The following CHD4 variants were observed in gnomAD, a reference collection of about 807,000 sequenced individuals.
CHD4 encodes the protein ATP-dependent chromatin remodeler CHD4.
Under a neutral mutation model 235.5 loss-of-function variants are expected in CHD4, and 35 were observed. The observed-to-expected ratio is 0.15, with a 90% confidence interval of 0.11 to 0.20. The LOEUF (loss-of-function observed/expected upper bound fraction) is 0.20, where lower values mean the gene tolerates loss of function less well. Among genes scored for constraint, CHD4 ranks in the 10% least tolerant of loss-of-function variants. The pLI, the probability that CHD4 is intolerant of heterozygous loss-of-function variation, is 1.00. For missense variants in CHD4, 1,329 were observed against 2,432.3 expected (o/e 0.55, Z 9.54); for synonymous variants, 900 against 850.2 (o/e 1.06, Z -1.02).
intron 12 of CHD4, among the ~76,000 whole-genome samples, chr12:6,597,660 G>A (rs1948522936): frequency 6.6e-6 from 1 of 152,110 alleles, no homozygotes; most frequent in South Asian, 2.1e-4. Flanking sequence ...CAGCTTCTCA[G>A]GAGGCTGAGG....
chr12:6,580,716 A>AAAAAACAAAAAC (rs1457844598), intron 33 of CHD4: 58 of 226,982 alleles, frequency 2.6e-4, no homozygotes, highest in Non-Finnish European at 2.2e-4. Context: ...AAAAAAAAAA[A>AAAAAACAAAAAC]AAAAAAAAAA....
intron 12 of CHD4, among the ~76,000 whole-genome samples, chr12:6,596,840 A>G (rs1465431528): frequency 1.3e-5 from 2 of 151,660 alleles, no homozygotes; most frequent in African/African-American, 4.8e-5. Flanking sequence ...CACGCCTGTA[A>G]TCCCAGCTAC....
chr12:6,600,754 G>A lies in CHD4; in HGVS notation c.928-85C>T, dbSNP rs1429848165. The A allele has an allele frequency of 1.4e-5, 21 of 1,552,124 alleles. No homozygotes were observed. In the South Asian group the frequency reaches 1.9e-4, roughly 14 times the overall value. On this transcript the variant is annotated intron_variant, in intron 7 of 39. Coordinates refer to ENST00000544040, the MANE Select transcript of CHD4 (RefSeq NM_001273.5). ...AGAGAGGGGAGTACTCTCTCACTGG[G>A]GACACCAGAATCCCAGCAAGCACCG...
At chr12:6,592,860 A>G in intron 17 of CHD4, 43 bp from the exon 18 acceptor site, 7 of 1,590,306 alleles carry the variant, frequency 4.4e-6, no homozygotes, top group Non-Finnish European at 6.0e-6. Context: ...ATGAAAACAG[A>G]GCTCTAGCAA....
At position 6,582,954 on chromosome 12, in the gene CHD4, T is replaced by G. The variant is rs1948221593; in HGVS notation, c.4148-18A>C. The G allele has an allele frequency of 6.2e-7, 1 of 1,612,578 alleles. No homozygotes were observed. The highest frequency in any genetic ancestry group is 1.3e-5 in the African/African-American group (1 of 74,804). ...ACGGGGAGCTGCAAGAAGAAAAAGA[T>G]GAATGAGTGACACAGGTAGGATATT... On this transcript the variant is annotated intron_variant, in intron 27 of 39. Coordinates refer to ENST00000544040, the MANE Select transcript of CHD4 (RefSeq NM_001273.5).
chr12:6,578,726 A>G, intron 34 of CHD4, 120 bp downstream of exon 34: 1 of 1,351,756 alleles, frequency 7.4e-7, no homozygotes, highest in East Asian at 2.3e-5. Flanking sequence ...GGACAGGTAC[A>G]GTCTTTTATC....
At chr12:6,572,338 A>G (rs1457231226) in intron 38 of CHD4, among the ~76,000 whole-genome samples, 1 of 151,188 alleles carries the variant, frequency 6.6e-6, no homozygotes, top group Admixed American at 6.6e-5. Context: ...AGGCAGGAGA[A>G]TTGCTTGAAC....
chr12:6,597,260 G>A (rs569486289), intron 12 of CHD4, among the ~76,000 whole-genome samples: 1 of 150,998 alleles, frequency 6.6e-6, no homozygotes, highest in South Asian at 2.1e-4. Flanking sequence ...TGGGTGACAA[G>A]TCTGTCTCAA....
chr12:6,605,681 A>C (rs1422125316), intron 2 of CHD4, among the ~76,000 whole-genome samples: 1 of 151,670 alleles, frequency 6.6e-6, no homozygotes, highest in Non-Finnish European at 1.5e-5. Flanking sequence ...AGCCCCCATC[A>C]CTTCCCCACT....
chr12:6,583,605 T>C, intron 25 of CHD4: 2 of 477,870 alleles, frequency 4.2e-6, no homozygotes, highest in Middle Eastern at 5.3e-4. Flanking sequence ...AAACATGGGA[T>C]AGAGCTATTA....
In CHD4 at chr12:6,579,020, T is replaced by C. The variant is rs542937034; in HGVS notation, c.4910-103A>G. The C allele has an allele frequency of 2.9e-5, 32 of 1,098,574 alleles. No homozygotes were observed. The African/African-American group carries it at 3.4e-4, about 12-fold the overall frequency. 68.1% of individuals were successfully genotyped at this position (1,098,574 alleles called of 1,614,324 possible). A position where few individuals can be genotyped will look rare whatever the true frequency, so the allele number is the denominator to read the frequency against. ...TAGACCCACATCTAAATGTCTGCAATTACAGTAATGTCAGCTGGGCATGGT... is the reference window on the plus strand; with the variant it reads ...TAGACCCACATCTAAATGTCTGCAACTACAGTAATGTCAGCTGGGCATGGT... On this transcript the variant is annotated intron_variant, in intron 33 of 39. Coordinates refer to ENST00000544040, the MANE Select transcript of CHD4 (RefSeq NM_001273.5).
Position 6,570,710 on chromosome 12 carries a change from G to A in CHD4, c.5722-17C>T, listed in dbSNP as rs116460731. The A allele has an allele frequency of 4.5e-3, 7,187 of 1,614,098 alleles. 146 individuals are homozygous for A. Among genetic ancestry groups the A allele is most frequent in the African/African-American group, 0.041 (3,052 of 75,012 alleles). ...CTGGGCTACCTAGAGAAGGAGACCC[G>A]AGGAGTCAGAATTCCAGATGATAGG... On this transcript the variant is annotated splice_polypyrimidine_tract_variant and intron_variant, in intron 39 of 39. Coordinates refer to ENST00000544040, the MANE Select transcript of CHD4 (RefSeq NM_001273.5).
At chr12:6,571,196 T>TA (rs1420596216) in intron 38 of CHD4, 164 bp from the exon 39 acceptor site, 2 of 758,880 alleles carry the variant, frequency 2.6e-6, no homozygotes, top group African/African-American at 3.5e-5. Context: ...CTACTCCTCA[T>TA]ATTCCAGTTC....
chr12:6,577,638 T>TA (rs1948094603), intron 37 of CHD4, 147 bp downstream of exon 37: 2 of 1,038,160 alleles, frequency 1.9e-6, no homozygotes, highest in Admixed American at 4.4e-5. Flanking sequence ...TCTTCAACCC[T>TA]AATGTGTAAG....
intron 5 of CHD4, 23 bp from the exon 6 acceptor site, chr12:6,601,553 C>T (rs1206256594): frequency 1.2e-6 from 2 of 1,613,802 alleles, no homozygotes; most frequent in East Asian, 2.2e-5. Flanking sequence ...TGCACAAGAG[C>T]AGAGGGAAAG....
chr12:6,585,349 A>C (rs140585746), intron 25 of CHD4, among the ~76,000 whole-genome samples: 3 of 151,952 alleles, frequency 2.0e-5, no homozygotes, highest in Non-Finnish European at 2.9e-5. Flanking sequence ...CAGTGGGGCA[A>C]TCTTGGCTCA....
chr12:6,581,035 T>A lies in CHD4; in HGVS notation c.4909+9A>T. ...AACAAACAAACAAAAAAAATGTGGATACCTTTACCTTTGGGCTCTGTCTCC... is the reference window on the plus strand; with the variant it reads ...AACAAACAAACAAAAAAAATGTGGAAACCTTTACCTTTGGGCTCTGTCTCC... On this transcript the variant is annotated intron_variant, in intron 33 of 39. Coordinates refer to ENST00000544040, the MANE Select transcript of CHD4 (RefSeq NM_001273.5). 3.7e-6 allele frequency: 6 copies of A among 1,612,030 alleles called. No individual in the cohort carries two copies. Among genetic ancestry groups the A allele is most frequent in the Non-Finnish European group, 5.1e-6 (6 of 1,179,508 alleles).
chr12:6,586,977 T>C (rs1948308683), intron 25 of CHD4: 1 of 163,344 alleles, frequency 6.1e-6, no homozygotes, highest in Non-Finnish European at 1.3e-5. Context: ...GGATTACAGA[T>C]GTGAGCCACT....
chr12:6,576,110 G>A (rs1234237798), intron 37 of CHD4, among the ~76,000 whole-genome samples: 1 of 151,416 alleles, frequency 6.6e-6, no homozygotes, highest in African/African-American at 2.4e-5. Flanking sequence ...TGTTATCTCA[G>A]CACTTTGGGA....
Sources: allele counts gnomAD v4.1 joint callset (sites outside exome capture counted in the v4.1 genomes callset), GRCh38; gene constraint gnomAD v4.1.1; transcripts MANE v1.5; gene names NCBI Gene and HGNC (gene_info 2026-07-23, HGNC 2026-07-21).